The following NOP53 variants were observed in gnomAD, a reference collection of about 807,000 sequenced individuals.
NOP53 encodes the protein NOP53 ribosome biogenesis factor, also known as ribosome biogenesis protein NOP53.
Under a neutral mutation model 61.0 loss-of-function variants are expected in NOP53, and 40 were observed. The observed-to-expected ratio is 0.66, with a 90% CI of 0.51 to 0.85. NOP53 has a LOEUF of 0.85. Ranked by LOEUF, NOP53 falls within the 40% of genes least tolerant of loss-of-function variation. The pLI is 0.00. For missense variants in NOP53, 689 were observed against 652.9 expected, an observed-to-expected ratio of 1.06 and a Z score of -0.60; for synonymous variants, 308 against 289.5, an observed-to-expected ratio of 1.06 and a Z score of -0.65.
rs1967161216 is a variant in NOP53, at chr19:47,754,412, C to T, written c.766-115C>T. ...GGTAGACGGGGTGTGGGGAGGAAAG[C>T]CTGGGCCGGGGCGGGATCCACGGGC... On this transcript the variant is annotated intron_variant, in intron 6 of 12. Coordinates refer to ENST00000246802, the MANE Select transcript of NOP53 (RefSeq NM_015710.5). The surrounding 1 kb of genome is among the most constrained non-coding windows in gnomAD (Gnocchi z 4.2). 10 of 812,264 alleles carry T rather than the reference C, an allele frequency of 1.2e-5. No individual in the cohort carries two copies. In the Middle Eastern group the frequency reaches 1.1e-3, roughly 89 times the overall value. 50.3% of individuals were successfully genotyped at this position (812,264 alleles called of 1,614,324 possible).
intron 6 of NOP53, 161 bp downstream of exon 6, chr19:47,752,768 G>A: frequency 3.4e-6 from 2 of 584,566 alleles, no homozygotes; most frequent in Non-Finnish European, 6.2e-6. Context: ...TTCCCAGACA[G>A]TGATGGGCAG....
chr19:47,751,147 G>A (rs1170852533), intron 4 of NOP53, 40 bp downstream of exon 4: 7 of 1,528,130 alleles, frequency 4.6e-6, no homozygotes, highest in Non-Finnish European at 6.3e-6. Context: ...GGGACAGGAC[G>A]GCCATGTGCA....
chr19:47,745,798 A>G lies in NOP53; in HGVS notation c.224+15A>G. 1 of 1,477,392 alleles carries G rather than the reference A, an allele frequency of 6.8e-7. No individual in the cohort carries two copies. The highest frequency in any genetic ancestry group is 9.0e-7 in the Non-Finnish European group (1 of 1,112,382). The allele number at this position is 1,477,392 out of a possible 1,614,324, so 91.5% of individuals were successfully genotyped here. A position where few individuals can be genotyped will look rare whatever the true frequency, so the allele number is the denominator to read the frequency against. Reference sequence around the variant, plus strand: ...CGCACGAGCGGGTACGTTGGGCGGGACTTCCGGGAGGTGGGACGGTTCCTG... The same window carrying G: ...CGCACGAGCGGGTACGTTGGGCGGGGCTTCCGGGAGGTGGGACGGTTCCTG... On this transcript the variant is annotated intron_variant, in intron 1 of 12. Transcript: ENST00000246802.
chr19:47,752,460 C>A, intron 5 of NOP53, 52 bp from the exon 6 acceptor site: 2 of 1,132,534 alleles, frequency 1.8e-6, no homozygotes, highest in South Asian at 1.2e-5. Flanking sequence ...TGTCCTGGGT[C>A]ACCCGCAGCC....
intron 3 of NOP53, among the ~76,000 whole-genome samples, chr19:47,750,589 G>T (rs1358502676): frequency 6.6e-6 from 1 of 152,094 alleles, no homozygotes; most frequent in Non-Finnish European, 1.5e-5. Context: ...GTGGACAGCT[G>T]GCCTTCCCCT....
rs1042401 is a variant in NOP53 at position 47,745,607 on chromosome 19, C to T, written c.48C>T (p.Ser16=). Residue 16 remains serine (S), a synonymous_variant, in exon 1 of 13, where the codon AGC becomes AGT. Transcript: ENST00000246802. ...SGVGGKRSSK[S]DADSGFLGLR... is the part of the protein sequence containing the mutation. ...TTGGTGGGAAGCGCAGCTCGAAAAG[C>T]GATGCCGATTCTGGTTTCCTGGGGC... is the stretch of plus-strand genomic sequence containing the variant. The T allele has an allele frequency of 5.0e-6, 8 of 1,613,870 alleles. No individual in the cohort carries two copies. The highest frequency in any genetic ancestry group is 1.7e-5 in the Admixed American group (1 of 59,970).
rs1346016335 is a variant in NOP53, at chr19:47,754,695, C to T, written c.871-14C>T. 5 of 1,535,762 alleles carry T rather than the reference C, an allele frequency of 3.3e-6. No individual in the cohort carries two copies. The highest frequency in any genetic ancestry group is 1.4e-5 in the African/African-American group (1 of 72,748). On this transcript the variant is annotated splice_polypyrimidine_tract_variant and intron_variant, in intron 7 of 12. Coordinates refer to ENST00000246802, the MANE Select transcript of NOP53 (RefSeq NM_015710.5). The surrounding 1 kb of genome is among the most constrained non-coding windows in gnomAD (Gnocchi z 4.2). ...CCTCCTACCCACCCCTGACACTGCA[C>T]CCCGCCTCCCCAGGAGTCCACATTC...
intron 8 of NOP53, 120 bp downstream of exon 8, chr19:47,755,011 C>T (rs1967172603): frequency 1.0e-6 from 1 of 969,318 alleles, no homozygotes; most frequent in Admixed American, 3.2e-5. Flanking sequence ...CGCATGTGGC[C>T]TGTGGTTTGG....
chr19:47,753,017 CGGT>C (rs1568599640), intron 6 of NOP53: 2 of 178,146 alleles, frequency 1.1e-5, no homozygotes, highest in African/African-American at 4.6e-5. Context: ...TGTGGTGACA[CGGT>C]GGCACACTGG....
chr19:47,755,003 C>G, intron 8 of NOP53, 112 bp downstream of exon 8: 1 of 1,013,226 alleles, frequency 9.9e-7, no homozygotes, highest in Non-Finnish European at 1.4e-6. Flanking sequence ...CCAAGCCCCG[C>G]ATGTGGCCTG....
chr19:47,752,243 G>A (rs1967133138), intron 5 of NOP53, among the ~76,000 whole-genome samples: 1 of 152,212 alleles, frequency 6.6e-6, no homozygotes, highest in South Asian at 2.1e-4. Context: ...TTTGAGTTTG[G>A]ATTTGCAGCC....
Position 47,756,118 on chromosome 19 carries a change from T to TC in NOP53, c.1296+300dup, listed in dbSNP as rs960671314. The TC allele has an allele frequency of 5.4e-5, 28 of 519,744 alleles. 1 individual carries two copies. Among genetic ancestry groups the TC allele is most frequent in the East Asian group, 3.6e-4 (11 of 30,806 alleles). The allele number at this position is 519,744 out of a possible 1,614,324, so 32.2% of individuals were successfully genotyped here. A position where few individuals can be genotyped will look rare whatever the true frequency, so the allele number is the denominator to read the frequency against. On this transcript the variant is annotated intron_variant, in intron 10 of 12. Coordinates refer to ENST00000246802, the MANE Select transcript of NOP53 (RefSeq NM_015710.5). ...TGAAGCTCAGAACCAACCCTGTCCC[T>TC]CCCCTGCTCGGAACCTGCTGTGGCT...
rs1967119201 is a variant in NOP53 at position 47,751,067 on chromosome 19, C to T, written c.558C>T (p.Asp186=). ...SATRAKPGPQ[D]TVERPFYDLW... ...CAAGGGCCAAGCCCGGGCCCCAGGA[C>T]ACCGTAGAGCGGCCCTTCTACGACC... Residue 186 remains aspartate (D), a synonymous_variant, in exon 4 of 13, where the codon GAC becomes GAT. Coordinates refer to ENST00000246802, the MANE Select transcript of NOP53 (RefSeq NM_015710.5). 6.2e-7 allele frequency: 1 copy of T among 1,608,676 alleles called. No individual in the cohort carries two copies. The highest frequency in any genetic ancestry group is 8.5e-7 in the Non-Finnish European group (1 of 1,178,292).
At chr19:47,751,315 C>G in intron 4 of NOP53, 2 of 646,994 alleles carry the variant, frequency 3.1e-6, no homozygotes, top group Non-Finnish European at 5.4e-6. Flanking sequence ...GGAAAGGAAG[C>G]CTTCAGCTTT....
chr19:47,747,811 G>A lies in NOP53; in HGVS notation c.289+780G>A, dbSNP rs531123755. On this transcript the variant is annotated intron_variant, in intron 2 of 12. Transcript: ENST00000246802. ...TTTTTTTTTTTTTTTTTTTGAGATG[G>A]AGTTTCAAGCCCAGGCTGGAGTGCA... 4.9e-4 allele frequency among the ~76,000 whole-genome samples: 44 copies of A among 89,224 alleles called. No homozygotes were observed. In the South Asian group the frequency reaches 0.016, roughly 33 times the overall value. 58.5% of individuals were successfully genotyped at this position (89,224 alleles called of 152,430 possible). A position where few individuals can be genotyped will look rare whatever the true frequency, so the allele number is the denominator to read the frequency against.
intron 1 of NOP53, chr19:47,746,137 T>C (rs560954158): frequency 1.3e-4 from 29 of 231,188 alleles, no homozygotes; most frequent in Non-Finnish European, 2.1e-4. Flanking sequence ...TGTATATATA[T>C]GTGTATATGT....
intron 12 of NOP53, 103 bp downstream of exon 12, chr19:47,756,847 C>A (rs1215570727): frequency 2.7e-6 from 4 of 1,508,198 alleles, no homozygotes; most frequent in Non-Finnish European, 3.7e-6. Flanking sequence ...GTGGCTGAGC[C>A]ACACCCCCTT....
Position 47,755,686 on chromosome 19 carries a change from A to T in NOP53, c.1230-70A>T, listed in dbSNP as rs979572293. ...TCTCAGAGGCCCCTTCTTCTCCAGG[A>T]GGGGGCTTTGGACTGGGTGTCCTGG... On this transcript the variant is annotated intron_variant, in intron 9 of 12. Transcript: ENST00000246802. The T allele has an allele frequency of 1.0e-5, 15 of 1,440,198 alleles. 1 individual carries two copies. In the Admixed American group the frequency reaches 2.0e-4, roughly 19 times the overall value. 89.2% of individuals were successfully genotyped at this position (1,440,198 alleles called of 1,614,324 possible). A position where few individuals can be genotyped will look rare whatever the true frequency, so the allele number is the denominator to read the frequency against.
chr19:47,747,064 G>T (rs770327541), intron 2 of NOP53, 33 bp downstream of exon 2: 1 of 1,497,442 alleles, frequency 6.7e-7, no homozygotes, highest in East Asian at 2.3e-5. Context: ...TGGAATGGCG[G>T]TTATTCATTG....
Sources: allele counts gnomAD v4.1 joint callset (sites outside exome capture counted in the v4.1 genomes callset), GRCh38; gene constraint gnomAD v4.1.1; non-coding constraint Gnocchi (gnomAD v3.1); transcripts MANE v1.5; gene names NCBI Gene and HGNC (gene_info 2026-07-23, HGNC 2026-07-21).